Variants in ADAM10 observed in about 807,000 individuals in gnomAD.
The protein encoded by ADAM10 is ADAM metallopeptidase domain 10.
Under a neutral mutation model 90.1 loss-of-function variants are expected in ADAM10, and 17 were observed. That is an observed-to-expected ratio of 0.19 (90% CI 0.13 to 0.28). ADAM10 has a LOEUF of 0.28. Among genes scored for constraint, ADAM10 ranks in the 10% least tolerant of loss-of-function variants. The pLI is 1.00. For missense variants in ADAM10, 610 were observed against 914.3 expected (o/e 0.67, Z 4.29); for synonymous variants, 310 against 298.6 (o/e 1.04, Z -0.40).
At chr15:58,643,041 T>C (rs1163160052) in intron 7 of ADAM10, among the ~76,000 whole-genome samples, 3 of 152,118 alleles carry the variant, frequency 2.0e-5, no homozygotes, top group Non-Finnish European at 4.4e-5. Context: ...AGGAACCCTG[T>C]GGCAAATACT....
intron 2 of ADAM10, 96 bp from the exon 3 acceptor site, chr15:58,682,410 C>G: frequency 6.7e-7 from 1 of 1,499,918 alleles, no homozygotes. Context: ...AAAATGTGGA[C>G]TGTTATGAAA....
Position 58,666,298 on chromosome 15 carries a change from G to C in ADAM10, c.485-1101C>G, listed in dbSNP as rs145739576. 8.2e-3 allele frequency among the ~76,000 whole-genome samples: 1,238 copies of C among 150,562 alleles called. 16 individuals are homozygous for C. The highest frequency in any genetic ancestry group is 0.029 in the African/African-American group (1,181 of 41,166). On this transcript the variant is annotated intron_variant, in intron 4 of 15. Coordinates refer to ENST00000260408, the MANE Select transcript of ADAM10 (RefSeq NM_001110.4). ...AAGGGAGTTGATGGTGAATGCAGTG[G>C]TGTCTTACTTACTTCAGAAGTGTAA...
At chr15:58,621,749 T>A in intron 10 of ADAM10, 128 bp from the exon 11 acceptor site, 2 of 1,188,186 alleles carry the variant, frequency 1.7e-6, no homozygotes, top group Non-Finnish European at 2.4e-6. Context: ...TAGAACAAAC[T>A]AGGAATCTGG....
At chr15:58,680,749 T>C (rs1215715028) in intron 3 of ADAM10, among the ~76,000 whole-genome samples, 1 of 152,204 alleles carries the variant, frequency 6.6e-6, no homozygotes, top group Non-Finnish European at 1.5e-5. Flanking sequence ...ATAACATTAA[T>C]TAGTTGCCTC....
intron 11 of ADAM10, among the ~76,000 whole-genome samples, chr15:58,617,475 A>G (rs145037866): frequency 1.4e-4 from 22 of 152,300 alleles, no homozygotes; most frequent in African/African-American, 4.8e-4. Context: ...ACCAGGTAAA[A>G]TAAGTAAGAA....
At chr15:58,671,475 A>C (rs1342387810) in intron 4 of ADAM10, among the ~76,000 whole-genome samples, 1 of 152,224 alleles carries the variant, frequency 6.6e-6, no homozygotes, top group Non-Finnish European at 1.5e-5. Flanking sequence ...ATGCTATCAG[A>C]GATGTGAAAG....
At chr15:58,681,239 A>G (rs189755969) in intron 3 of ADAM10, among the ~76,000 whole-genome samples, 1 of 152,342 alleles carries the variant, frequency 6.6e-6, no homozygotes, top group Non-Finnish European at 1.5e-5. Context: ...CAAGAAGACA[A>G]TATAACACTA....
chr15:58,691,597 A>G (rs767995137), intron 2 of ADAM10: 14 of 476,584 alleles, frequency 2.9e-5, no homozygotes, highest in African/African-American at 2.8e-4. Context: ...GAGATTTTAG[A>G]GAATACCTCA....
intron 1 of ADAM10, among the ~76,000 whole-genome samples, 167 bp from the exon 2 acceptor site, chr15:58,717,894 T>C (rs1189253942): frequency 2.0e-5 from 3 of 152,330 alleles, no homozygotes; most frequent in Non-Finnish European, 4.4e-5. Context: ...TAAAACTTAT[T>C]GTGAGGGTAA....
At chr15:58,653,056 A>G (rs773488255) in intron 5 of ADAM10, among the ~76,000 whole-genome samples, 1 of 152,144 alleles carries the variant, frequency 6.6e-6, no homozygotes, top group Non-Finnish European at 1.5e-5. Flanking sequence ...TGATTTTTGT[A>G]CGTTGATTTT....
At chr15:58,743,362 G>C (rs1423896351) in intron 1 of ADAM10, among the ~76,000 whole-genome samples, 2 of 151,978 alleles carry the variant, frequency 1.3e-5, no homozygotes, top group African/African-American at 4.8e-5. Flanking sequence ...CTACATTTCT[G>C]GTACTCCACA....
intron 1 of ADAM10, chr15:58,748,057 G>A (rs1244885880): frequency 6.6e-6 from 1 of 152,100 alleles, no homozygotes; most frequent in Non-Finnish European, 1.5e-5. Context: ...AGAGTCTCCC[G>A]CACATAATCC....
At chr15:58,742,442 T>C (rs1354515172) in intron 1 of ADAM10, among the ~76,000 whole-genome samples, 1 of 152,166 alleles carries the variant, frequency 6.6e-6, no homozygotes. Flanking sequence ...GTTGCCAACA[T>C]TACATACATT....
chr15:58,627,147 G>A (rs561314754), intron 10 of ADAM10, among the ~76,000 whole-genome samples: 258 of 152,228 alleles, frequency 1.7e-3, no homozygotes, highest in African/African-American at 5.9e-3. Context: ...TCTCAAAGCT[G>A]TATACTGAGT....
In ADAM10 at chr15:58,631,644, C is replaced by T. The variant is rs555711474; in HGVS notation, c.1176+1552G>A. Among the ~76,000 whole-genome samples the T allele has an allele frequency of 1.5e-3, 230 of 152,226 alleles. 1 individual carries two copies. Among genetic ancestry groups the T allele is most frequent in the African/African-American group, 5.2e-3 (214 of 41,536 alleles). On this transcript the variant is annotated intron_variant, in intron 9 of 15. Coordinates refer to ENST00000260408, the MANE Select transcript of ADAM10 (RefSeq NM_001110.4). ...TGTATATGCACATAAAAATGAGTGA[C>T]CTGGGACTAAAGGCCAGACAAGTAG... is the stretch of plus-strand genomic sequence containing the variant.
chr15:58,597,075 G>A lies in ADAM10; in HGVS notation c.*472C>T, dbSNP rs1894973400. Reference sequence around the variant, plus strand: ...AATTGCACACAGAAGTACAGTGTACGTAAGAAATACATGTCTGCATATAAC... The same window carrying A: ...AATTGCACACAGAAGTACAGTGTACATAAGAAATACATGTCTGCATATAAC... On this transcript the variant is annotated 3_prime_UTR_variant, in exon 16 of 16. Coordinates refer to ENST00000260408, the MANE Select transcript of ADAM10 (RefSeq NM_001110.4). 1.5e-5 allele frequency: 4 copies of A among 261,120 alleles called. No homozygotes were observed. Among genetic ancestry groups the A allele is most frequent in the South Asian group, 4.9e-5 (1 of 20,318 alleles). 16.2% of individuals were successfully genotyped at this position (261,120 alleles called of 1,614,324 possible). A position where few individuals can be genotyped will look rare whatever the true frequency, so the allele number is the denominator to read the frequency against.
At chr15:58,611,712 T>C in intron 12 of ADAM10, 96 bp downstream of exon 12, 1 of 1,189,564 alleles carries the variant, frequency 8.4e-7, no homozygotes, top group Non-Finnish European at 1.2e-6. Context: ...GAGACCAAGA[T>C]TAATTACTTT....
At chr15:58,648,118 T>TCA (rs143832964) in intron 5 of ADAM10, among the ~76,000 whole-genome samples, 662 of 152,338 alleles carry the variant, frequency 4.3e-3, no homozygotes, top group African/African-American at 0.014. Flanking sequence ...TTTATTTGCT[T>TCA]CACTATAGTA....
intron 8 of ADAM10, among the ~76,000 whole-genome samples, chr15:58,635,806 T>G (rs1185085423): frequency 6.6e-6 from 1 of 150,456 alleles, no homozygotes; most frequent in African/African-American, 2.4e-5. Context: ...AAAAAAAAAG[T>G]AAATAGGCAT....
Sources: allele counts gnomAD v4.1 joint callset (sites outside exome capture counted in the v4.1 genomes callset), GRCh38; gene constraint gnomAD v4.1.1; transcripts MANE v1.5; gene names NCBI Gene and HGNC (gene_info 2026-07-23, HGNC 2026-07-21).